RADIL: variants seen among roughly 807,000 people sequenced by gnomAD.
RADIL encodes ras-associating and dilute domain-containing protein.
In RADIL, 99 loss-of-function variants were observed where a neutral mutation model predicts 97.6. The ratio of observed to expected loss-of-function variants is 1.01; its 90% CI spans 0.86 to 1.20. The LOEUF (loss-of-function observed/expected upper bound fraction) is 1.20, where lower values mean the gene tolerates loss of function less well. RADIL is among the 50% of genes most tolerant of loss of function. RADIL has a pLI of 0.00. For synonymous variants in RADIL, 803 were observed against 691.8 expected (o/e 1.16, Z -2.52); for missense variants, 1,765 against 1,498.9 (o/e 1.18, Z -2.93).
chr7:4,809,808 G>A (rs1782487012), intron 9 of RADIL, among the ~76,000 whole-genome samples: 3 of 151,874 alleles, frequency 2.0e-5, no homozygotes. Context: ...TCAGCCTCCC[G>A]AGTAGCTGGC....
chr7:4,861,853 G>T, intron 2 of RADIL: 1 of 1,336,898 alleles, frequency 7.5e-7, no homozygotes, highest in South Asian at 1.8e-5. Flanking sequence ...CCACCACCGC[G>T]ACCTTCGCGG....
At chr7:4,805,081 A>G (rs756817191) in intron 10 of RADIL, among the ~76,000 whole-genome samples, 4 of 152,102 alleles carry the variant, frequency 2.6e-5, no homozygotes, top group East Asian at 1.9e-4. Context: ...ATGACAGAGC[A>G]AGACTCTTGT....
Position 4,822,363 on chromosome 7 carries a change from CG to C in RADIL, c.1615+30del. On this transcript the variant is annotated intron_variant, in intron 6 of 14. Transcript: ENST00000399583. The surrounding 1 kb of genome is among the most constrained non-coding windows in gnomAD (Gnocchi z 5.3). The stretch of plus-strand genomic sequence containing the variant: ...CACACTCCCCTGCCTGGGGTGCTGG[CG>C]GGGGGAATGGAGGGCAGCGCCAGCC... 5 of 1,588,718 alleles carry C rather than the reference CG, an allele frequency of 3.1e-6. No individual in the cohort carries two copies. The highest frequency in any genetic ancestry group is 3.4e-6 in the Non-Finnish European group (4 of 1,168,762).
rs1035443467 is a variant in RADIL, at chr7:4,859,773, A to G, written c.535+17832T>C. 9.5e-5 allele frequency: 60 copies of G among 634,338 alleles called. No homozygotes were observed. The African/African-American group carries it at 1.0e-3, about 11-fold the overall frequency. 39.3% of individuals were successfully genotyped at this position (634,338 alleles called of 1,614,324 possible). On this transcript the variant is annotated intron_variant, in intron 2 of 14. Coordinates refer to ENST00000399583, the MANE Select transcript of RADIL (RefSeq NM_018059.5). ...CTGATGTTCCCTGAGAGGCCAATAG[A>G]GAAGATGCTGTCTGAATTTTTCTAA... is the stretch of plus-strand genomic sequence containing the variant.
chr7:4,871,908 C>T (rs907785517), intron 2 of RADIL, among the ~76,000 whole-genome samples: 7 of 152,108 alleles, frequency 4.6e-5, no homozygotes, highest in Admixed American at 3.3e-4. Flanking sequence ...GGCTAAACCT[C>T]GGCGGCTTTA....
rs754533817 is a variant in RADIL, at chr7:4,803,648, G to A, written c.2397C>T (p.His799=). The A allele has an allele frequency of 4.5e-6, 7 of 1,550,694 alleles. No homozygotes were observed. In the South Asian group the frequency reaches 5.9e-5, roughly 13 times the overall value. ...ACAGAAAGTGGCGGACGTAGAGCAG[G>A]TGCTGGTAGATGCTGTCGTCCAGGC... ...ANCLDDSIYQ[H]LLYVRHFLWG... is the part of the protein sequence containing the mutation. Residue 799 remains histidine, a synonymous_variant, in exon 11 of 15, where the codon CAC becomes CAT. Coordinates refer to ENST00000399583, the MANE Select transcript of RADIL (RefSeq NM_018059.5).
chr7:4,835,353 G>A lies in RADIL; in HGVS notation c.784-114C>T. 2.2e-6 allele frequency: 3 copies of A among 1,349,104 alleles called. No individual in the cohort carries two copies. Among genetic ancestry groups the A allele is most frequent in the Non-Finnish European group, 3.0e-6 (3 of 992,542 alleles). 83.6% of individuals were successfully genotyped at this position (1,349,104 alleles called of 1,614,324 possible). ...CGTGGCTGGGATGCTGTCGCCACGGGCTCTCCATGTCCCTGGCCACCCCCA... is the reference window on the plus strand; with the variant it reads ...CGTGGCTGGGATGCTGTCGCCACGGACTCTCCATGTCCCTGGCCACCCCCA... On this transcript the variant is annotated intron_variant, in intron 3 of 14. Coordinates refer to ENST00000399583, the MANE Select transcript of RADIL (RefSeq NM_018059.5). The surrounding 1 kb of genome is among the most constrained non-coding windows in gnomAD (Gnocchi z 5.8).
chr7:4,840,929 T>C lies in RADIL; in HGVS notation c.536-4324A>G, dbSNP rs1026521826. On this transcript the variant is annotated intron_variant, in intron 2 of 14. Coordinates refer to ENST00000399583, the MANE Select transcript of RADIL (RefSeq NM_018059.5). The surrounding 1 kb of genome is among the most constrained non-coding windows in gnomAD (Gnocchi z 5.6). ...TTGCAGTGACCTGAGATCGCACCAC[T>C]GCACTCCAGCCTGGGTGACAGAGCG... is the stretch of plus-strand genomic sequence containing the variant. Among the ~76,000 whole-genome samples the C allele has an allele frequency of 2.0e-5, 3 of 152,186 alleles. No homozygotes were observed. Among genetic ancestry groups the C allele is most frequent in the African/African-American group, 7.2e-5 (3 of 41,442 alleles).
Position 4,857,771 on chromosome 7 carries a change from G to A in RADIL, c.535+19834C>T, listed in dbSNP as rs932100236. ...CATTTATTTTTATTGCATTTTTAAT[G>A]GAGAAATAAGTCATCTGTTTTCAAA... On this transcript the variant is annotated intron_variant, in intron 2 of 14. Coordinates refer to ENST00000399583, the MANE Select transcript of RADIL (RefSeq NM_018059.5). 8 of 152,464 alleles carry A rather than the reference G, an allele frequency of 5.2e-5. No individual in the cohort carries two copies. The South Asian group carries it at 8.3e-4, about 16-fold the overall frequency. 9.4% of individuals were successfully genotyped at this position (152,464 alleles called of 1,614,324 possible).
chr7:4,810,747 G>A (rs528984387), intron 9 of RADIL, among the ~76,000 whole-genome samples: 14 of 152,322 alleles, frequency 9.2e-5, no homozygotes, highest in Non-Finnish European at 1.3e-4. Context: ...CATTTACAAC[G>A]TCACCAGGAA....
At position 4,834,535 on chromosome 7, in the gene RADIL, C is replaced by T; in HGVS notation, c.1416+72G>A. On this transcript the variant is annotated intron_variant, in intron 4 of 14. Coordinates refer to ENST00000399583, the MANE Select transcript of RADIL (RefSeq NM_018059.5). The surrounding 1 kb of genome is among the most constrained non-coding windows in gnomAD (Gnocchi z 6.0). ...GATAGAGGCGCTCCCGCCTCCCAGC[C>T]GGGGCCAGCTCCGGGCCCCCTCTTC... The T allele has an allele frequency of 6.3e-6, 8 of 1,273,728 alleles. No homozygotes were observed. Among genetic ancestry groups the T allele is most frequent in the Non-Finnish European group, 7.9e-6 (8 of 1,009,570 alleles). The allele number at this position is 1,273,728 out of a possible 1,614,324, so 78.9% of individuals were successfully genotyped here.
intron 5 of RADIL, among the ~76,000 whole-genome samples, chr7:4,831,031 A>C (rs1338382659): frequency 6.8e-6 from 1 of 147,932 alleles, no homozygotes; most frequent in African/African-American, 2.7e-5. Context: ...AAAAAAAAAA[A>C]AAATACAAAA....
At position 4,829,087 on chromosome 7, in the gene RADIL, T is replaced by C. The variant is rs1783072204; in HGVS notation, c.1454+3054A>G. On this transcript the variant is annotated intron_variant, in intron 5 of 14. Transcript: ENST00000399583. ...AGAGGGAGGCCACCACGCCTGTTAC[T>C]GGGCCCACTCCCAACTCCCATGCAA... Among the ~76,000 whole-genome samples the C allele has an allele frequency of 2.0e-5, 3 of 152,106 alleles. No homozygotes were observed. The South Asian group carries it at 6.2e-4, about 32-fold the overall frequency.
In RADIL at chr7:4,860,728, T is replaced by C. The variant is rs372904205; in HGVS notation, c.535+16877A>G. On this transcript the variant is annotated intron_variant, in intron 2 of 14. Coordinates refer to ENST00000399583, the MANE Select transcript of RADIL (RefSeq NM_018059.5). The stretch of plus-strand genomic sequence containing the variant: ...GAAAGAAGCTTGGAGCTTCAAAGAG[T>C]TTGGACCACTCTGCCTTACTTAGCA... The C allele has an allele frequency of 3.7e-6, 6 of 1,614,100 alleles. No homozygotes were observed. In the African/African-American group the frequency reaches 8.0e-5, roughly 22 times the overall value.
chr7:4,831,791 G>A (rs1285273717), intron 5 of RADIL, among the ~76,000 whole-genome samples: 3 of 152,126 alleles, frequency 2.0e-5, no homozygotes, highest in Non-Finnish European at 2.9e-5. Flanking sequence ...GGGAAGCTGA[G>A]GCAAGAGAAT....
chr7:4,802,211 C>T (rs1468547004), intron 11 of RADIL, among the ~76,000 whole-genome samples: 1 of 152,220 alleles, frequency 6.6e-6, no homozygotes, highest in Non-Finnish European at 1.5e-5. Context: ...TCCCGGGGTT[C>T]CCAGAGCTCC....
chr7:4,861,866 G>GCCGCC, intron 2 of RADIL: 2 of 540,730 alleles, frequency 3.7e-6, no homozygotes, highest in South Asian at 1.1e-4. Flanking sequence ...CTTCGCGGCC[G>GCCGCC]CCGCCCGGGT....
In RADIL at chr7:4,816,482, G is replaced by A. The variant is rs758404231; in HGVS notation, c.1729-17C>T. On this transcript the variant is annotated splice_polypyrimidine_tract_variant and intron_variant, in intron 7 of 14. Transcript: ENST00000399583. The stretch of plus-strand genomic sequence containing the variant: ...GTACAGGGACTGGCGGGGGCAAGAG[G>A]AGAACAGCAACCAGCATTTCCAGGA... 16 of 1,588,080 alleles carry A rather than the reference G, an allele frequency of 1.0e-5. No individual in the cohort carries two copies. In the African/African-American group the frequency reaches 2.1e-4, roughly 21 times the overall value.
At chr7:4,833,843 A>G in intron 4 of RADIL, among the ~76,000 whole-genome samples, 1 of 152,160 alleles carries the variant, frequency 6.6e-6, no homozygotes, top group Non-Finnish European at 1.5e-5. Flanking sequence ...TCATGGGCCC[A>G]GGGCGGTCCT....
Sources: allele counts gnomAD v4.1 joint callset (sites outside exome capture counted in the v4.1 genomes callset), GRCh38; gene constraint gnomAD v4.1.1; non-coding constraint Gnocchi (gnomAD v3.1); transcripts MANE v1.5; gene names NCBI Gene and HGNC (gene_info 2026-07-23, HGNC 2026-07-21).